The following LIMCH1 variants were observed in gnomAD, a reference collection of about 807,000 sequenced individuals.
LIMCH1 encodes the protein LIM and calponin homology domains-containing protein 1.
Under a neutral mutation model 176.5 loss-of-function variants are expected in LIMCH1, and 113 were observed. The observed-to-expected ratio is 0.64, with a 90% CI of 0.55 to 0.75. The LOEUF (loss-of-function observed/expected upper bound fraction) is 0.75. Among genes scored for constraint, LIMCH1 ranks in the 30% least tolerant of loss-of-function variants. The pLI, the probability that LIMCH1 is intolerant of heterozygous loss-of-function variation, is 0.00. For missense variants in LIMCH1, 1,674 were observed against 1,814.9 expected (o/e 0.92, Z 1.41); for synonymous variants, 619 against 645.9 (o/e 0.96, Z 0.63).
chr4:41,524,337 C>T, intron 2 of LIMCH1: 7 of 1,134,416 alleles, frequency 6.2e-6, no homozygotes, highest in Non-Finnish European at 9.4e-6. Flanking sequence ...TAGCTGTAGC[C>T]CCGGATAAAG....
At chr4:41,620,357 G>A (rs2092468820) in intron 6 of LIMCH1, 67 bp from the exon 7 acceptor site, 1 of 1,410,348 alleles carries the variant, frequency 7.1e-7, no homozygotes, top group South Asian at 1.4e-5. Flanking sequence ...ATAGCGGGGA[G>A]ATGACATGGG....
chr4:41,574,981 A>AATTTCATT (rs1266632115), intron 1 of LIMCH1, among the ~76,000 whole-genome samples: 3 of 152,172 alleles, frequency 2.0e-5, no homozygotes, highest in African/African-American at 7.2e-5. Context: ...TACTCAGCAC[A>AATTTCATT]ATTTCATTTC....
At chr4:41,554,698 G>A (rs760146417) in intron 1 of LIMCH1, among the ~76,000 whole-genome samples, 9 of 152,102 alleles carry the variant, frequency 5.9e-5, no homozygotes, top group Admixed American at 5.2e-4. Flanking sequence ...ATATACTGCT[G>A]CCAAGTCTCA....
chr4:41,649,736 C>G (rs949678472), intron 17 of LIMCH1, among the ~76,000 whole-genome samples: 4 of 152,206 alleles, frequency 2.6e-5, no homozygotes, highest in Non-Finnish European at 5.9e-5. Flanking sequence ...GCTAACCGCC[C>G]TCTCTGGTTT....
intron 17 of LIMCH1, among the ~76,000 whole-genome samples, chr4:41,649,650 G>T (rs1271122201): frequency 6.6e-6 from 1 of 152,146 alleles, no homozygotes; most frequent in Non-Finnish European, 1.5e-5. Context: ...TAACTGCACA[G>T]CTCCCTCTCA....
At chr4:41,404,407 AGT>A (rs2058755444) in intron 1 of LIMCH1, among the ~76,000 whole-genome samples, 1 of 152,150 alleles carries the variant, frequency 6.6e-6, no homozygotes. Context: ...GAGTGATATC[AGT>A]AAAGGATTAA....
chr4:41,450,560 G>T lies in LIMCH1; in HGVS notation c.97-43976G>T, dbSNP rs534722654. 4.4e-3 allele frequency among the ~76,000 whole-genome samples: 672 copies of T among 152,134 alleles called. 3 individuals carry two copies. Among genetic ancestry groups the T allele is most frequent in the African/African-American group, 0.016 (649 of 41,482 alleles). On this transcript the variant is annotated intron_variant, in intron 1 of 26. Transcript: ENST00000313860. Reference sequence around the variant, plus strand: ...CTCACACCTGTAATCCCAGCACTTTGGGAGGCTGAGGCGGGCGGATCACTT... The same window carrying T: ...CTCACACCTGTAATCCCAGCACTTTTGGAGGCTGAGGCGGGCGGATCACTT...
intron 13 of LIMCH1, among the ~76,000 whole-genome samples, chr4:41,636,604 T>C (rs1290698414): frequency 6.6e-6 from 1 of 152,178 alleles, no homozygotes; most frequent in Non-Finnish European, 1.5e-5. Flanking sequence ...ACCTGATAAG[T>C]ATTTAATAAA....
intron 2 of LIMCH1, among the ~76,000 whole-genome samples, chr4:41,503,831 C>G (rs2073793882): frequency 6.6e-6 from 1 of 152,178 alleles, no homozygotes; most frequent in South Asian, 2.1e-4. Context: ...GATAACTGCC[C>G]TTGCTCTGAG....
chr4:41,594,489 T>C (rs2088326882), intron 1 of LIMCH1, among the ~76,000 whole-genome samples: 1 of 152,212 alleles, frequency 6.6e-6, no homozygotes, highest in Non-Finnish European at 1.5e-5. Flanking sequence ...AATCTCAGTG[T>C]GAACAGCAAG....
Position 41,619,328 on chromosome 4 carries a change from A to G in LIMCH1, c.346A>G (p.Asn116Asp), listed in dbSNP as rs199548284. The stretch of plus-strand genomic sequence containing the variant: ...TAACCAGTACCTCCCGAACAAAAGC[A>G]ATCAGACGGCCTACGTCCCCGCGCC... ...PFNQYLPNKS[N>D]QTAYVPAPLR... Residue 116 changes from asparagine to aspartate, a missense_variant, in exon 6 of 32, where the codon AAT (asparagine) becomes GAT (aspartate). Asn to Asp is a conservative substitution (Grantham distance 23). Transcript: ENST00000503057. 3 of 1,614,200 alleles carry G rather than the reference A, an allele frequency of 1.9e-6. No homozygotes were observed. The East Asian group carries it at 6.7e-5, about 36-fold the overall frequency.
chr4:41,586,963 G>A (rs576239731), intron 1 of LIMCH1, among the ~76,000 whole-genome samples: 1 of 152,250 alleles, frequency 6.6e-6, no homozygotes, highest in African/African-American at 2.4e-5. Flanking sequence ...ATGCTATGCT[G>A]GCAAGGAATT....
At chr4:41,462,933 C>T (rs1463698897) in intron 1 of LIMCH1, among the ~76,000 whole-genome samples, 1 of 151,860 alleles carries the variant, frequency 6.6e-6, no homozygotes, top group African/African-American at 2.4e-5. Flanking sequence ...AATCAGCGAG[C>T]ATAGGTTTAA....
chr4:41,386,951 G>A (rs550581024), intron 1 of LIMCH1, among the ~76,000 whole-genome samples: 181 of 152,250 alleles, frequency 1.2e-3, no homozygotes, highest in Non-Finnish European at 2.0e-3. Context: ...ATATGCTATG[G>A]TAAAACACTG....
chr4:41,691,875 A>G (rs7691741), intron 30 of LIMCH1, among the ~76,000 whole-genome samples: 1,666 of 152,346 alleles, frequency 0.011, 31 homozygotes, highest in African/African-American at 0.038. Context: ...ACACATTTCA[A>G]TTGATAACTC....
chr4:41,624,029 G>T (rs1223642238), intron 7 of LIMCH1, among the ~76,000 whole-genome samples: 2 of 152,116 alleles, frequency 1.3e-5, no homozygotes, highest in Non-Finnish European at 1.5e-5. Flanking sequence ...ATGAGAGTCT[G>T]CCAAAGAAGC....
intron 21 of LIMCH1, among the ~76,000 whole-genome samples, chr4:41,669,568 C>T (rs1039655893): frequency 5.3e-5 from 8 of 152,308 alleles, no homozygotes; most frequent in African/African-American, 9.6e-5. Flanking sequence ...AGGTGATGCT[C>T]ATGCTGCACA....
In LIMCH1 at chr4:41,464,446, T is replaced by C. The variant is rs374209962; in HGVS notation, c.97-30090T>C. Among the ~76,000 whole-genome samples the C allele has an allele frequency of 1.8e-4, 28 of 151,420 alleles. No homozygotes were observed. In the East Asian group the frequency reaches 5.2e-3, roughly 28 times the overall value. On this transcript the variant is annotated intron_variant, in intron 1 of 26. Transcript: ENST00000313860. ...TGCATTGATGTGATCTCTGATCACT[T>C]GCTCACTGCAATCTCCGCCTCCCAG...
At chr4:41,505,854 C>A (rs1322516517) in intron 2 of LIMCH1, among the ~76,000 whole-genome samples, 1 of 151,752 alleles carries the variant, frequency 6.6e-6, no homozygotes, top group African/African-American at 2.4e-5. Context: ...ACCTAGGCCA[C>A]CTGATCATCA....
Sources: gnomAD v4.1 joint callset for allele counts (sites outside exome capture counted in the v4.1 genomes callset) on GRCh38, gnomAD v4.1.1 for gene constraint, MANE v1.5 for transcripts, NCBI Gene and HGNC (gene_info 2026-07-23, HGNC 2026-07-21) for gene names.